The following RIMS2 variants were observed in gnomAD, a reference collection of about 807,000 sequenced individuals.
RIMS2 encodes the protein regulating synaptic membrane exocytosis 2.
A neutral mutation model predicts 174.4 loss-of-function variants in RIMS2; 59 were observed. The ratio of observed to expected loss-of-function variants is 0.34; its 90% CI spans 0.27 to 0.42. The LOEUF is 0.42. Among genes scored for constraint, RIMS2 ranks in the 10% least tolerant of loss-of-function variants. The pLI is 1.00. For missense variants in RIMS2, 1,620 were observed against 1,666.3 expected (o/e 0.97, Z 0.48); for synonymous variants, 606 against 572.5 (o/e 1.06, Z -0.84).
chr8:104,139,365 T>G (rs553990055), intron 19 of RIMS2, among the ~76,000 whole-genome samples: 34 of 152,264 alleles, frequency 2.2e-4, no homozygotes, highest in African/African-American at 7.9e-4. Context: ...GTATGGACAT[T>G]TTAACAATAT....
chr8:103,834,610 CT>C (rs1593392717), intron 3 of RIMS2, among the ~76,000 whole-genome samples: 2 of 151,854 alleles, frequency 1.3e-5, no homozygotes, highest in East Asian at 3.9e-4. Context: ...ATCTCCCTCA[CT>C]TTCCAGTCTG....
At chr8:103,794,535 T>C (rs1343540177) in intron 3 of RIMS2, among the ~76,000 whole-genome samples, 1 of 152,152 alleles carries the variant, frequency 6.6e-6, no homozygotes, top group Non-Finnish European at 1.5e-5. Flanking sequence ...AAGGACTTCA[T>C]GACTAAAACA....
chr8:103,645,824 G>A (rs1306735292), intron 1 of RIMS2, among the ~76,000 whole-genome samples: 1 of 151,980 alleles, frequency 6.6e-6, no homozygotes, highest in African/African-American at 2.4e-5. Context: ...TTTTAATAAA[G>A]GAATATTAAA....
intron 3 of RIMS2, among the ~76,000 whole-genome samples, chr8:103,808,709 G>A (rs2098666840): frequency 1.3e-5 from 2 of 152,062 alleles, no homozygotes; most frequent in South Asian, 2.1e-4. Flanking sequence ...CACCTATCTT[G>A]ACTGTGACCA....
chr8:103,854,625 T>TA (rs975435214), intron 3 of RIMS2, among the ~76,000 whole-genome samples: 20 of 152,044 alleles, frequency 1.3e-4, no homozygotes, highest in Admixed American at 9.2e-4. Context: ...GAGATGAACA[T>TA]ATGCTTTTTG....
intron 9 of RIMS2, among the ~76,000 whole-genome samples, chr8:103,921,287 T>C (rs1282649581): frequency 6.6e-6 from 1 of 152,222 alleles, no homozygotes; most frequent in Non-Finnish European, 1.5e-5. Flanking sequence ...TGTTTGCAAA[T>C]GTAGTCTGTC....
At chr8:104,202,257 A>T (rs1026002201) in intron 19 of RIMS2, among the ~76,000 whole-genome samples, 2 of 152,208 alleles carry the variant, frequency 1.3e-5, no homozygotes, top group African/African-American at 4.8e-5. Context: ...AGTACTTAGG[A>T]CATATTTAAC....
intron 10 of RIMS2, chr8:103,927,826 T>C (rs1277163384): frequency 6.3e-7 from 1 of 1,597,116 alleles, no homozygotes; most frequent in Non-Finnish European, 8.6e-7. Context: ...CTTTTTTCTT[T>C]AATTTTGCTT....
At chr8:103,816,259 TA>T (rs772024446) in intron 3 of RIMS2, among the ~76,000 whole-genome samples, 1 of 152,030 alleles carries the variant, frequency 6.6e-6, no homozygotes, top group African/African-American at 2.4e-5. Context: ...AAAAAATAAA[TA>T]AATAAAATAA....
At chr8:103,565,328 G>A (rs1003937275) in intron 1 of RIMS2, among the ~76,000 whole-genome samples, 3 of 151,320 alleles carry the variant, frequency 2.0e-5, no homozygotes, top group African/African-American at 7.3e-5. Flanking sequence ...TTTTGGAGAC[G>A]AGGTCTCACT....
chr8:104,156,451 A>G (rs1228731032), intron 19 of RIMS2, among the ~76,000 whole-genome samples: 3 of 152,210 alleles, frequency 2.0e-5, no homozygotes, highest in African/African-American at 7.2e-5. Flanking sequence ...AGGTTTGATA[A>G]GCAAACCACA....
At chr8:104,018,067 C>T (rs9692610) in intron 19 of RIMS2, among the ~76,000 whole-genome samples, 97,881 of 151,996 alleles carry the variant, frequency 0.64, 32,300 homozygotes, top group Non-Finnish European at 0.7. Context: ...AGTGAGACTC[C>T]GTTTCTAAAT....
chr8:103,639,882 A>G (rs1271280660), intron 1 of RIMS2, among the ~76,000 whole-genome samples: 1 of 151,974 alleles, frequency 6.6e-6, no homozygotes, highest in Non-Finnish European at 1.5e-5. Context: ...AAATAACTTG[A>G]TGAGATTTTG....
At chr8:104,118,354 G>GTTTGTTTTTTTTTTTTTTTT (rs1566516268) in intron 19 of RIMS2, among the ~76,000 whole-genome samples, 1 of 108,496 alleles carries the variant, frequency 9.2e-6, no homozygotes, top group African/African-American at 4.1e-5. Flanking sequence ...TTTATTTTTT[G>GTTTGTTTTTTTTTTTTTTTT]TTTTTTTGTT....
chr8:103,595,565 G>A (rs571525892), intron 1 of RIMS2, among the ~76,000 whole-genome samples: 2 of 152,014 alleles, frequency 1.3e-5, no homozygotes, highest in African/African-American at 2.4e-5. Context: ...GAGAAGTGTT[G>A]GGGCTGTGGA....
intron 14 of RIMS2, among the ~76,000 whole-genome samples, chr8:103,952,733 C>A (rs1294291578): frequency 6.6e-5 from 10 of 151,982 alleles, no homozygotes; most frequent in Admixed American, 6.5e-4. Context: ...TCCTTGCCAG[C>A]AAGGGAACTA....
intron 17 of RIMS2, among the ~76,000 whole-genome samples, chr8:104,012,370 AAT>A (rs2095791721): frequency 6.7e-6 from 1 of 148,942 alleles, no homozygotes; most frequent in African/African-American, 2.5e-5. Flanking sequence ...TTTTTTTTTA[AAT>A]TACTTGCACT....
At chr8:103,916,898 G>A (rs1226285349) in intron 8 of RIMS2, among the ~76,000 whole-genome samples, 1 of 151,966 alleles carries the variant, frequency 6.6e-6, no homozygotes, top group African/African-American at 2.4e-5. Context: ...AGGAAAGAAA[G>A]GGCCAAAGGA....
chr8:104,044,306 G>A (rs994961072), intron 19 of RIMS2, among the ~76,000 whole-genome samples: 2 of 130,732 alleles, frequency 1.5e-5, no homozygotes, highest in Non-Finnish European at 3.6e-5. Flanking sequence ...TGTTAAGAAC[G>A]AATGCTGGTT....
Sources: gnomAD v4.1 joint callset for allele counts (sites outside exome capture counted in the v4.1 genomes callset) on GRCh38, gnomAD v4.1.1 for gene constraint, MANE v1.5 for transcripts, NCBI Gene and HGNC (gene_info 2026-07-23, HGNC 2026-07-21) for gene names.